AVEN: variants seen among roughly 807,000 people sequenced by gnomAD.
AVEN encodes the protein cell death regulator Aven.
In AVEN, 41 loss-of-function variants were observed where a neutral mutation model predicts 38.1. That is an observed-to-expected ratio of 1.08 (90% confidence interval 0.84 to 1.40). AVEN has a LOEUF of 1.40. Ranked by LOEUF, AVEN falls within the 40% of genes most tolerant of loss-of-function variation. The pLI is 0.00. For missense variants in AVEN, 605 were observed against 438.8 expected, an observed-to-expected ratio of 1.38 and a Z score of -3.38; for synonymous variants, 206 against 171.8, an observed-to-expected ratio of 1.20 and a Z score of -1.56.
chr15:33,888,823 T>C (rs1476287477), intron 2 of AVEN, among the ~76,000 whole-genome samples: 3 of 152,170 alleles, frequency 2.0e-5, no homozygotes, highest in Non-Finnish European at 1.5e-5. Context: ...CGATCTTGGC[T>C]CACTACAACC....
At chr15:34,007,956 C>A (rs1406808426) in intron 1 of AVEN, among the ~76,000 whole-genome samples, 1 of 152,168 alleles carries the variant, frequency 6.6e-6, no homozygotes, top group Non-Finnish European at 1.5e-5. Flanking sequence ...ATGAGTTATA[C>A]TGGATTAGGG....
intron 2 of AVEN, among the ~76,000 whole-genome samples, chr15:33,898,274 A>G (rs1035331650): frequency 2.8e-4 from 42 of 152,246 alleles, no homozygotes; most frequent in African/African-American, 9.6e-4. Context: ...TTACCAACTT[A>G]TAATACATTG....
chr15:34,013,908 G>A (rs73387951), intron 1 of AVEN, among the ~76,000 whole-genome samples: 5 of 152,242 alleles, frequency 3.3e-5, no homozygotes, highest in Admixed American at 2.0e-4. Flanking sequence ...CTGAAGGAAC[G>A]GCTGCTATCT....
At chr15:33,978,458 G>A (rs1895990112) in intron 2 of AVEN, among the ~76,000 whole-genome samples, 2 of 152,164 alleles carry the variant, frequency 1.3e-5, no homozygotes, top group African/African-American at 2.4e-5. Flanking sequence ...GAGGTCAGGA[G>A]TTCAAAACCA....
chr15:33,925,870 C>T (rs1224573700), intron 2 of AVEN, among the ~76,000 whole-genome samples: 4 of 152,122 alleles, frequency 2.6e-5, no homozygotes, highest in African/African-American at 9.7e-5. Context: ...GAGCACTGTT[C>T]TAACATGATT....
intron 2 of AVEN, among the ~76,000 whole-genome samples, chr15:33,878,917 T>G (rs1891365749): frequency 6.6e-6 from 1 of 152,180 alleles, no homozygotes; most frequent in Non-Finnish European, 1.5e-5. Context: ...TATTCAGTGT[T>G]GTTTTTGACA....
chr15:33,919,316 T>C (rs555390813), intron 2 of AVEN, among the ~76,000 whole-genome samples: 1 of 152,218 alleles, frequency 6.6e-6, no homozygotes, highest in South Asian at 2.1e-4. Context: ...TTCAATAACG[T>C]CTAAAAACAT....
intron 2 of AVEN, among the ~76,000 whole-genome samples, chr15:33,886,100 C>A (rs1891687112): frequency 6.6e-6 from 1 of 152,162 alleles, no homozygotes. Context: ...GTAACAAAGA[C>A]CTGTACCTGT....
intron 1 of AVEN, chr15:34,018,193 G>A (rs1165952097): frequency 1.3e-5 from 2 of 152,262 alleles, no homozygotes; most frequent in African/African-American, 4.8e-5. Context: ...GGAGATGACA[G>A]CTCCATGCAT....
At chr15:33,867,052 C>G (rs528308890) in intron 5 of AVEN, among the ~76,000 whole-genome samples, 1 of 152,270 alleles carries the variant, frequency 6.6e-6, no homozygotes, top group African/African-American at 2.4e-5. Flanking sequence ...CCTTAGGCCC[C>G]TCTACATCAG....
At chr15:33,939,346 A>AG (rs1894222861) in intron 2 of AVEN, among the ~76,000 whole-genome samples, 1 of 152,264 alleles carries the variant, frequency 6.6e-6, no homozygotes, top group Non-Finnish European at 1.5e-5. Context: ...GAACCATTTT[A>AG]GGAGACAGGA....
At chr15:33,915,379 C>T (rs1384451168) in intron 2 of AVEN, among the ~76,000 whole-genome samples, 2 of 152,132 alleles carry the variant, frequency 1.3e-5, no homozygotes, top group African/African-American at 4.8e-5. Context: ...GGGGATCATC[C>T]ACCCCCAAGC....
At chr15:33,930,887 G>A (rs534881075) in intron 2 of AVEN, among the ~76,000 whole-genome samples, 7 of 151,188 alleles carry the variant, frequency 4.6e-5, no homozygotes, top group East Asian at 3.9e-4. Context: ...CCTGGGAGGC[G>A]GAGCTTGCAG....
At chr15:33,941,268 T>G (rs1259445719) in intron 2 of AVEN, among the ~76,000 whole-genome samples, 1 of 152,242 alleles carries the variant, frequency 6.6e-6, no homozygotes, top group African/African-American at 2.4e-5. Flanking sequence ...AATTTGTTAT[T>G]AGATTAAATT....
At position 33,986,866 on chromosome 15, in the gene AVEN, C is replaced by A. The variant is rs571672691; in HGVS notation, c.445+16166G>T. 2.2e-4 allele frequency among the ~76,000 whole-genome samples: 33 copies of A among 152,148 alleles called. No individual in the cohort carries two copies. The South Asian group carries it at 6.4e-3, about 30-fold the overall frequency. On this transcript the variant is annotated intron_variant, in intron 2 of 5. Transcript: ENST00000306730. ...TAGAGATGGGGTTTCACCATGTTAG[C>A]CAGGATGGTCTCGATCTCCTGACCT...
At chr15:34,070,208 G>A (rs182468416) in intron 2 of AVEN, among the ~76,000 whole-genome samples, 19 of 152,216 alleles carry the variant, frequency 1.2e-4, no homozygotes, top group Middle Eastern at 3.4e-3. Flanking sequence ...ACAGCACGGG[G>A]GAAACCGCCT....
At chr15:34,065,926 G>A (rs1900498597) in intron 4 of AVEN, 1 of 152,166 alleles carries the variant, frequency 6.6e-6, no homozygotes, top group South Asian at 2.1e-4. Context: ...TTGCTAAGAG[G>A]ATGGAAAATT....
downstream of AVEN, among the ~76,000 whole-genome samples, chr15:33,861,916 C>T (rs1888384177): frequency 6.6e-6 from 1 of 152,032 alleles, no homozygotes; most frequent in African/African-American, 2.4e-5. Flanking sequence ...AGCCACTGTG[C>T]CCAGCCTCAT....
At chr15:33,992,352 T>C (rs771264286) in intron 2 of AVEN, among the ~76,000 whole-genome samples, 4 of 151,250 alleles carry the variant, frequency 2.6e-5, no homozygotes, top group Non-Finnish European at 5.9e-5. Flanking sequence ...ATTGCGCCAC[T>C]GCACTCCAGC....
Sources: gnomAD v4.1 joint callset for allele counts (sites outside exome capture counted in the v4.1 genomes callset) on GRCh38, gnomAD v4.1.1 for gene constraint, MANE v1.5 for transcripts, NCBI Gene and HGNC (gene_info 2026-07-23, HGNC 2026-07-21) for gene names.